Variants in ISM1 observed in about 807,000 individuals in gnomAD.
The protein encoded by ISM1 is isthmin-1.
A neutral mutation model predicts 46.3 loss-of-function variants in ISM1; 25 were observed. The ratio of observed to expected loss-of-function variants is 0.54; its 90% confidence interval spans 0.39 to 0.75. The LOEUF (loss-of-function observed/expected upper bound fraction) is 0.75, where lower values mean the gene tolerates loss of function less well. ISM1 is among the 30% of genes least tolerant of loss of function. The pLI is 0.00. For missense variants in ISM1, 536 were observed against 625.4 expected, an observed-to-expected ratio of 0.86 and a Z score of 1.52; for synonymous variants, 255 against 256.7, an observed-to-expected ratio of 0.99 and a Z score of 0.06.
At chr20:13,246,338 C>G (rs2039794065) in intron 1 of ISM1, among the ~76,000 whole-genome samples, 2 of 151,820 alleles carry the variant, frequency 1.3e-5, no homozygotes, top group African/African-American at 4.8e-5. Context: ...TGAACCCTCA[C>G]AGCATGGTTC....
chr20:13,305,693 C>T, the ISM1 span, among the ~76,000 whole-genome samples: 1 of 152,004 alleles, frequency 6.6e-6, no homozygotes, highest in Non-Finnish European at 1.5e-5. Context: ...TTTTCTGAGG[C>T]TTAGTATTGG....
chr20:13,286,993 C>T (rs781554688), intron 3 of ISM1, among the ~76,000 whole-genome samples: 5 of 152,178 alleles, frequency 3.3e-5, no homozygotes, highest in African/African-American at 4.8e-5. Flanking sequence ...GAAAGAATCA[C>T]GCTTTAGAGA....
In ISM1 at chr20:13,231,569, C is replaced by T. The variant is rs1010558666; in HGVS notation, c.138+9655C>T. Among the ~76,000 whole-genome samples, 3 of 152,162 alleles carry T rather than the reference C, an allele frequency of 2.0e-5. 1 individual carries two copies. Among genetic ancestry groups the T allele is most frequent in the South Asian group, 4.1e-4 (2 of 4,828 alleles). The stretch of plus-strand genomic sequence containing the variant: ...TCAACTCCCTGAGCACAGACCAGCA[C>T]GTGTCCCTGGAAAGTTATTTTTGTA... On this transcript the variant is annotated intron_variant, in intron 1 of 5. Coordinates refer to ENST00000262487, the MANE Select transcript of ISM1 (RefSeq NM_080826.2).
intron 1 of ISM1, among the ~76,000 whole-genome samples, chr20:13,247,854 A>T (rs1472074420): frequency 6.6e-6 from 1 of 152,170 alleles, no homozygotes; most frequent in Non-Finnish European, 1.5e-5. Context: ...TTTCTCTTTT[A>T]TCCCAGTGTG....
rs1600467570 is a variant in ISM1, at chr20:13,221,706, C to T, written c.-71C>T. 5 of 1,280,854 alleles carry T rather than the reference C, an allele frequency of 3.9e-6. No homozygotes were observed. Among genetic ancestry groups the T allele is most frequent in the Non-Finnish European group, 3.0e-6 (3 of 1,010,146 alleles). 79.3% of individuals were successfully genotyped at this position (1,280,854 alleles called of 1,614,324 possible). A position where few individuals can be genotyped will look rare whatever the true frequency, so the allele number is the denominator to read the frequency against. ...CTGCCGGGCTCCCGGGCTCCTACTC[C>T]TCCTCCCCCGGCGTCACCGCCGCCG... On this transcript the variant is annotated 5_prime_UTR_variant, in exon 1 of 6. Transcript: ENST00000262487.
chr20:13,228,964 A>T (rs1270580410), intron 1 of ISM1, among the ~76,000 whole-genome samples: 1 of 152,164 alleles, frequency 6.6e-6, no homozygotes, highest in African/African-American at 2.4e-5. Context: ...CAAATGTCAA[A>T]CTCAACCACT....
chr20:13,266,798 T>G (rs73901625), intron 1 of ISM1, among the ~76,000 whole-genome samples: 1,981 of 152,274 alleles, frequency 0.013, 40 homozygotes, highest in African/African-American at 0.045. Context: ...AATATTTTAC[T>G]TTTAACCTTG....
chr20:13,325,909 C>T, the ISM1 span, among the ~76,000 whole-genome samples: 584 of 152,210 alleles, frequency 3.8e-3, no homozygotes, highest in African/African-American at 0.013. Flanking sequence ...ATACACACGT[C>T]GACCATCAAA....
At chr20:13,235,927 C>CTTTTTTTTTTTTTTTTTTTTT (rs72361165) in intron 1 of ISM1, among the ~76,000 whole-genome samples, 1 of 149,582 alleles carries the variant, frequency 6.7e-6, no homozygotes, top group Non-Finnish European at 1.5e-5. Context: ...TTGTACTTCC[C>CTTTTTTTTTTTTTTTTTTTTT]TTTTTTCTTT....
intron 2 of ISM1, among the ~76,000 whole-genome samples, chr20:13,273,937 G>A (rs1359075036): frequency 6.6e-6 from 1 of 152,156 alleles, no homozygotes; most frequent in Non-Finnish European, 1.5e-5. Flanking sequence ...ATTGTGGTGC[G>A]TTTCTGGCCT....
intron 1 of ISM1, among the ~76,000 whole-genome samples, chr20:13,243,479 T>C (rs1360696143): frequency 6.6e-6 from 1 of 152,194 alleles, no homozygotes; most frequent in Non-Finnish European, 1.5e-5. Flanking sequence ...CATTACTCAA[T>C]ATGGCTTATG....
chr20:13,255,631 C>T (rs117034520), intron 1 of ISM1, among the ~76,000 whole-genome samples: 2,990 of 152,130 alleles, frequency 0.02, 73 homozygotes, highest in African/African-American at 0.056. Context: ...GAAAGAAGTG[C>T]GACACTAGGG....
chr20:13,235,320 T>C (rs935172228), intron 1 of ISM1, among the ~76,000 whole-genome samples: 3 of 152,248 alleles, frequency 2.0e-5, no homozygotes, highest in African/African-American at 7.2e-5. Flanking sequence ...CCAAAGCAAG[T>C]CACAAGATCC....
At chr20:13,288,128 G>A (rs868312662) in intron 3 of ISM1, among the ~76,000 whole-genome samples, 124 of 152,298 alleles carry the variant, frequency 8.1e-4, no homozygotes, top group Admixed American at 2.4e-3. Context: ...TTAAGGTCAA[G>A]GCCAGCCCAG....
intron 1 of ISM1, among the ~76,000 whole-genome samples, chr20:13,245,619 T>C (rs1486152594): frequency 6.6e-6 from 1 of 152,206 alleles, no homozygotes; most frequent in Non-Finnish European, 1.5e-5. Context: ...CCAATAGTGA[T>C]AGTTCCCCTG....
chr20:13,281,315 T>C (rs377273992), intron 3 of ISM1, among the ~76,000 whole-genome samples: 1 of 152,174 alleles, frequency 6.6e-6, no homozygotes, highest in Non-Finnish European at 1.5e-5. Context: ...GAAAGAGAAC[T>C]CTAGAAGGGA....
At chr20:13,304,536 C>T (rs2040485156), downstream of ISM1, among the ~76,000 whole-genome samples, 1 of 152,196 alleles carries the variant, frequency 6.6e-6, no homozygotes, top group Admixed American at 6.5e-5. Context: ...TCAAACCAGC[C>T]CAACTTTCAA....
At position 13,279,797 on chromosome 20, in the gene ISM1, A is replaced by G. The variant is rs2040218151; in HGVS notation, c.542A>G (p.Asp181Gly). 6.2e-7 allele frequency: 1 copy of G among 1,614,026 alleles called. No individual in the cohort carries two copies. Among genetic ancestry groups the G allele is most frequent in the Non-Finnish European group, 8.5e-7 (1 of 1,179,882 alleles). Residue 181 changes from aspartate to glycine, a missense_variant, in exon 3 of 6, where the codon GAC becomes GGC. Around this residue, in one of 2 missense-constraint regions of ISM1, gnomAD observed 367 missense variants for 376.1 expected, o/e 0.98. Coordinates refer to ENST00000262487, the MANE Select transcript of ISM1 (RefSeq NM_080826.2). ...AGCGGGGACCAGGACTACAAGTACG[A>G]CAGTACCTCAGACGACAGCAACTTC... is the stretch of plus-strand genomic sequence containing the variant. The part of the protein sequence containing the change: ...ANSGDQDYKY[D>G]STSDDSNFLN...
At chr20:13,308,847 A>G in the ISM1 span, among the ~76,000 whole-genome samples, 1 of 152,194 alleles carries the variant, frequency 6.6e-6, no homozygotes. Context: ...GAATGAGATT[A>G]GCATCCTTAC....
Sources: allele counts gnomAD v4.1 joint callset (sites outside exome capture counted in the v4.1 genomes callset), GRCh38; gene constraint gnomAD v4.1.1; regional missense constraint gnomAD v4.1.1; transcripts MANE v1.5; gene names NCBI Gene and HGNC (gene_info 2026-07-23, HGNC 2026-07-21).